PRX: variants seen among roughly 807,000 people sequenced by gnomAD.
The protein encoded by PRX is periaxin.
PRX carries 24 observed loss-of-function variants against 29.6 expected under a neutral mutation model. The ratio of observed to expected loss-of-function variants is 0.81; its 90% CI spans 0.59 to 1.14. The LOEUF (loss-of-function observed/expected upper bound fraction) is 1.14. PRX is among the 50% of genes most tolerant of loss of function. PRX has a pLI of 0.00. For missense variants in PRX, 1,838 were observed against 1,926.4 expected, an observed-to-expected ratio of 0.95 and a Z score of 0.86; for synonymous variants, 772 against 831.7, an observed-to-expected ratio of 0.93 and a Z score of 1.24.
In PRX at chr19:40,398,706, T is replaced by C; in HGVS notation, c.295A>G (p.Thr99Ala). Residue 99 changes from threonine to alanine, a missense_variant, in exon 6 of 7, where the codon ACT becomes GCT. Thr to Ala is a moderately conservative substitution (Grantham distance 58). Transcript: ENST00000324001. This position sits in a 1 kb window ranked among gnomAD's most constrained non-coding sequence, Gnocchi z 6.3. ...PYKVSFCLKRTVPTGDLALRP... is the reference protein window; with the variant it reads ...PYKVSFCLKRAVPTGDLALRP... The stretch of plus-strand genomic sequence containing the variant: ...AGAGCCAGGTCCCCGGTGGGCACAG[T>C]GCGCTTCAGGCAGAAGGAGACTTTG... The C allele has an allele frequency of 6.2e-7, 1 of 1,613,888 alleles. No homozygotes were observed. The highest frequency in any genetic ancestry group is 1.1e-5 in the South Asian group (1 of 91,084).
intron 5 of PRX, among the ~76,000 whole-genome samples, chr19:40,402,772 CT>C (rs2079504865): frequency 1.9e-5 from 1 of 51,290 alleles, no homozygotes; most frequent in African/African-American, 4.0e-4. Flanking sequence ...GAGACTCCGT[CT>C]CAAAAAAAAA....
intron 4 of PRX, among the ~76,000 whole-genome samples, chr19:40,405,385 T>C (rs1041336135): frequency 6.6e-6 from 1 of 152,102 alleles, no homozygotes; most frequent in Non-Finnish European, 1.5e-5. Context: ...AGTAGGGATC[T>C]GAGAGGACAC....
In PRX at chr19:40,397,332, C is replaced by T. The variant is rs758798516; in HGVS notation, c.1020G>A (p.Pro340=). 9.3e-6 allele frequency: 15 copies of T among 1,613,132 alleles called. No homozygotes were observed. The South Asian group carries it at 1.1e-4, about 12-fold the overall frequency. Residue 340 remains proline, a synonymous_variant, in exon 7 of 7, where the codon CCG becomes CCA. Coordinates refer to ENST00000324001, the MANE Select transcript of PRX (RefSeq NM_181882.3). The stretch of plus-strand genomic sequence containing the variant: ...CTCCCCGGGCCTCCACCTCTGCACC[C>T]GGCAAGGCCAGGTCCACCCCCACAG... ...APTVGVDLAL[P]GAEVEARGEA...
At chr19:40,401,542 G>A (rs1354504847) in intron 5 of PRX, among the ~76,000 whole-genome samples, 1 of 152,128 alleles carries the variant, frequency 6.6e-6, no homozygotes, top group Non-Finnish European at 1.5e-5. Flanking sequence ...AAAAGCCAAA[G>A]TCTTATAAAG....
intron 1 of PRX, among the ~76,000 whole-genome samples, chr19:40,412,178 C>T (rs749532073): frequency 3.3e-5 from 5 of 152,216 alleles, no homozygotes; most frequent in Non-Finnish European, 7.3e-5. Flanking sequence ...AGCTTTCCCC[C>T]GCCACCAGCG....
rs2079415029 is a variant in PRX, at chr19:40,394,810, G to C, written c.3542C>G (p.Ala1181Gly). The change falls in exon 7 of 7, where the codon GCA becomes GGA. Residue 1181 changes from alanine (A) to glycine (G), a missense_variant. Ala to Gly is a moderately conservative substitution (Grantham distance 60). Coordinates refer to ENST00000324001, the MANE Select transcript of PRX (RefSeq NM_181882.3). The surrounding 1 kb of genome is among the most constrained non-coding windows in gnomAD (Gnocchi z 5.8). ...CTGGGGCACCTGAACCCTGTAGCCT[G>C]CTGTGCCCTCTGCTGAAGGGACTGT... Reference protein sequence around the residue: ...QSTVPSAEGTAGYRVQVPQVT... With the variant: ...QSTVPSAEGTGGYRVQVPQVT... 1.2e-6 allele frequency: 2 copies of C among 1,613,366 alleles called. No homozygotes were observed. Among genetic ancestry groups the C allele is most frequent in the African/African-American group, 2.7e-5 (2 of 74,930 alleles).
intron 4 of PRX, among the ~76,000 whole-genome samples, chr19:40,405,426 G>T (rs2079524204): frequency 6.6e-6 from 1 of 152,020 alleles, no homozygotes. Flanking sequence ...GGCCAGCACG[G>T]ACTGGAATTG....
intron 4 of PRX, among the ~76,000 whole-genome samples, chr19:40,407,016 C>T (rs111919911): frequency 0.057 from 8,673 of 151,894 alleles, 846 homozygotes; most frequent in African/African-American, 0.2. Flanking sequence ...TCAAGTGATC[C>T]GCCCGCCTTG....
rs2079508646 is a variant in PRX at position 40,403,224 on chromosome 19, G to T, written c.184+482C>A. On this transcript the variant is annotated intron_variant, in intron 5 of 6. Coordinates refer to ENST00000324001, the MANE Select transcript of PRX (RefSeq NM_181882.3). ...TAGAAGGCACTAATAAATAGTTGTT[G>T]CATGAATAAATCACGTCAGCTTCAT... Among the ~76,000 whole-genome samples the T allele has an allele frequency of 2.6e-5, 4 of 152,278 alleles. No homozygotes were observed. The South Asian group carries it at 8.3e-4, about 32-fold the overall frequency.
intron 5 of PRX, among the ~76,000 whole-genome samples, chr19:40,399,772 A>G (rs1306625418): frequency 6.6e-6 from 1 of 151,968 alleles, no homozygotes. Flanking sequence ...TCAAATTCCT[A>G]GGCTCAACTG....
chr19:40,414,336 C>G (rs531851231), upstream of PRX, among the ~76,000 whole-genome samples: 2 of 152,268 alleles, frequency 1.3e-5, no homozygotes, highest in African/African-American at 4.8e-5. Flanking sequence ...GTTGCCCAGG[C>G]TGGTCTCGAA....
chr19:40,395,456 G>T lies in PRX; in HGVS notation c.2896C>A (p.Leu966Ile). The T allele has an allele frequency of 1.2e-6, 2 of 1,614,066 alleles. No homozygotes were observed. Among genetic ancestry groups the T allele is most frequent in the Non-Finnish European group, 8.5e-7 (1 of 1,180,008 alleles). Residue 966 changes from leucine to isoleucine, a missense_variant, in exon 7 of 7, where the codon CTC (leucine) becomes ATC (isoleucine). By Grantham distance (5) the Leu-to-Ile change is conservative. Around this residue, in one of 3 missense-constraint regions of PRX, gnomAD observed 1,143 missense variants for 1,193.0 expected, o/e 0.96. Coordinates refer to ENST00000324001, the MANE Select transcript of PRX (RefSeq NM_181882.3). Reference protein sequence around the residue: ...KLKVSKFAISLPKARVGAEAE... With the variant: ...KLKVSKFAISIPKARVGAEAE... ...TCAGCCCCCACCCGAGCCTTGGGGA[G>T]TGAGATGGCAAATTTGGATACCTTC...
In PRX at chr19:40,396,174, C is replaced by G. The variant is rs761322510; in HGVS notation, c.2178G>C (p.Glu726Asp). ...TCTCAGGCACCTTGGGGAGTTTTAT[C>G]TCTGGGAGCTTCATGTCAGGGACTT... ...EMKVPDMKLP[E>D]IKLPKVPEMA... The change falls in exon 7 of 7, where the codon GAG becomes GAC. Residue 726 changes from glutamate to aspartate, a missense_variant. Glu to Asp is a conservative substitution (Grantham distance 45, BLOSUM62 2). Transcript: ENST00000324001. 6.2e-7 allele frequency: 1 copy of G among 1,612,174 alleles called. No individual in the cohort carries two copies. Among genetic ancestry groups the G allele is most frequent in the Non-Finnish European group, 8.5e-7 (1 of 1,179,194 alleles).
At chr19:40,407,360 T>C (rs1408361680) in intron 4 of PRX, 1 of 158,416 alleles carries the variant, frequency 6.3e-6, no homozygotes, top group Non-Finnish European at 1.4e-5. Context: ...TGGCGTGCAG[T>C]GGTTCAATCA....
In PRX at chr19:40,394,870, C is replaced by A; in HGVS notation, c.3482G>T (p.Gly1161Val). Reference protein sequence around the residue: ...SLPQVELTGFGEAGTPGQQAQ... With the variant: ...SLPQVELTGFVEAGTPGQQAQ... ...CTGCTGCCCTGGGGTACCTGCCTCCCCAAAGCCGGTCAGCTCCACCTGTGG... is the reference window on the plus strand; with the variant it reads ...CTGCTGCCCTGGGGTACCTGCCTCCACAAAGCCGGTCAGCTCCACCTGTGG... The change falls in exon 7 of 7, where the codon GGG (glycine) becomes GTG (valine). Residue 1161 changes from glycine (G) to valine (V), a missense_variant. By Grantham distance (109) the Gly-to-Val change is moderately radical. Around this residue, in one of 3 missense-constraint regions of PRX, gnomAD observed 1,143 missense variants for 1,193.0 expected, o/e 0.96. Transcript: ENST00000324001. This position sits in a 1 kb window ranked among gnomAD's most constrained non-coding sequence, Gnocchi z 5.8. 6.2e-7 allele frequency: 1 copy of A among 1,611,942 alleles called. No homozygotes were observed. Among genetic ancestry groups the A allele is most frequent in the Non-Finnish European group, 8.5e-7 (1 of 1,180,000 alleles).
chr19:40,397,760 C>T lies in PRX; in HGVS notation c.592G>A (p.Val198Met), dbSNP rs1471725934. The T allele has an allele frequency of 7.7e-6, 12 of 1,566,484 alleles. No individual in the cohort carries two copies. The highest frequency in any genetic ancestry group is 1.0e-5 in the Non-Finnish European group (12 of 1,156,624). ...CGGGCTGCCTGAGCCTCTTCGGCCA[C>T]TTCTCGTACACGCAGCCGAGGCAGC... Reference protein sequence around the residue: ...LQLPRLRVREVAEEAQAARLA... With the variant: ...LQLPRLRVREMAEEAQAARLA... Residue 198 changes from valine (V) to methionine (M), a missense_variant, in exon 7 of 7, where the codon GTG becomes ATG. Physicochemically the swap from Val to Met is conservative, Grantham distance 21 (BLOSUM62 1). Coordinates refer to ENST00000324001, the MANE Select transcript of PRX (RefSeq NM_181882.3).
At chr19:40,401,144 C>A (rs2079491368) in intron 5 of PRX, among the ~76,000 whole-genome samples, 1 of 152,168 alleles carries the variant, frequency 6.6e-6, no homozygotes, top group African/African-American at 2.4e-5. Flanking sequence ...CAAAGCTCCT[C>A]CTTCAAAATA....
intron 1 of PRX, among the ~76,000 whole-genome samples, chr19:40,412,950 C>T (rs1216602977): frequency 1.3e-5 from 2 of 152,168 alleles, no homozygotes; most frequent in Non-Finnish European, 2.9e-5. Flanking sequence ...TGGTCTCGAA[C>T]TCCTGGGCTT....
Position 40,403,874 on chromosome 19 carries a change from G to A in PRX, c.28-12C>T, listed in dbSNP as rs1425438340. 4 of 1,606,318 alleles carry A rather than the reference G, an allele frequency of 2.5e-6. No homozygotes were observed. The highest frequency in any genetic ancestry group is 1.1e-5 in the South Asian group (1 of 90,536). ...GCCCGCCTCAGCTCCTGCAGAGGGC[G>A]GCGAGGTGTCGCGTTGGGGCTCTAG... On this transcript the variant is annotated splice_polypyrimidine_tract_variant and intron_variant, in intron 4 of 6. Transcript: ENST00000324001.
Sources: gnomAD v4.1 joint callset for allele counts (sites outside exome capture counted in the v4.1 genomes callset) on GRCh38, gnomAD v4.1.1 for gene constraint, gnomAD v4.1.1 regional missense constraint, Gnocchi (gnomAD v3.1) non-coding constraint, MANE v1.5 for transcripts, NCBI Gene and HGNC (gene_info 2026-07-23, HGNC 2026-07-21) for gene names.